Variants in ASB14 observed in about 807,000 individuals in gnomAD.
ASB14 encodes ankyrin repeat and SOCS box containing 14, also known as ankyrin repeat and SOCS box protein 14.
A neutral mutation model predicts 55.6 loss-of-function variants in ASB14; 63 were observed. That is an observed-to-expected ratio of 1.13 (90% CI 0.92 to 1.40). The LOEUF is 1.40. Ranked by LOEUF, ASB14 falls within the 40% of genes most tolerant of loss-of-function variation. ASB14 has a pLI of 0.00. For missense variants in ASB14, 724 were observed against 710.4 expected, an observed-to-expected ratio of 1.02 and a Z score of -0.22; for synonymous variants, 256 against 259.9, an observed-to-expected ratio of 0.98 and a Z score of 0.15.
chr3:57,284,062 AAAT>A lies in ASB14; in HGVS notation c.470-626_470-624del, dbSNP rs201095507. 7.7e-3 allele frequency among the ~76,000 whole-genome samples: 1,065 copies of A among 139,106 alleles called. 12 individuals are homozygous for A. The highest frequency in any genetic ancestry group is 0.026 in the African/African-American group (1,015 of 38,596). The allele number at this position is 139,106 out of a possible 152,430, so 91.3% of individuals were successfully genotyped here. A position where few individuals can be genotyped will look rare whatever the true frequency, so the allele number is the denominator to read the frequency against. On this transcript the variant is annotated intron_variant, in intron 5 of 10. Transcript: ENST00000487349. ...AAAGAAAATGATTTTGTAGTTAAAA[AAAT>A]AATAATAAAAGGCTTGGGAACACTG...
At chr3:57,282,859 G>A (rs1417460865) in intron 6 of ASB14, among the ~76,000 whole-genome samples, 1 of 152,178 alleles carries the variant, frequency 6.6e-6, no homozygotes, top group Non-Finnish European at 1.5e-5. Flanking sequence ...CAGAGGTAAT[G>A]TGCAGAGTAT....
chr3:57,288,297 G>A lies in ASB14; in HGVS notation c.179-11C>T, dbSNP rs1374855495. 2.0e-6 allele frequency: 3 copies of A among 1,536,680 alleles called. No homozygotes were observed. The South Asian group carries it at 3.6e-5, about 18-fold the overall frequency. ...ATGCATCTTCCTTACCTATTAACGA[G>A]TCAAATGAGAACAGATTCACATTTG... On this transcript the variant is annotated splice_polypyrimidine_tract_variant and intron_variant, in intron 3 of 10. Transcript: ENST00000487349.
intron 6 of ASB14, 104 bp from the exon 7 acceptor site, chr3:57,280,577 C>T (rs888819858): frequency 2.2e-5 from 20 of 929,560 alleles, no homozygotes; most frequent in Admixed American, 7.4e-5. Context: ...TTAGTGAGCA[C>T]GCACTCTAGC....
At chr3:57,277,660 A>T (rs2061000667) in intron 9 of ASB14, 107 bp downstream of exon 9, 1 of 1,007,692 alleles carries the variant, frequency 9.9e-7, no homozygotes, top group Non-Finnish European at 1.5e-6. Context: ...TTTCTGGTTT[A>T]AGTCAAGCTT....
intron 10 of ASB14, among the ~76,000 whole-genome samples, 152 bp downstream of exon 10, chr3:57,276,375 TC>T (rs1392345113): frequency 1.3e-5 from 2 of 151,936 alleles, no homozygotes; most frequent in Non-Finnish European, 2.9e-5. Flanking sequence ...AGCCTTGACC[TC>T]CCAAGGTGAA....
intron 3 of ASB14, 120 bp from the exon 4 acceptor site, chr3:57,288,406 T>G: frequency 1.8e-6 from 2 of 1,116,264 alleles, no homozygotes; most frequent in South Asian, 3.1e-5. Context: ...TAGCACCACC[T>G]TTTATGAAAG....
At chr3:57,287,869 C>A (rs1220231920) in intron 5 of ASB14, 32 bp downstream of exon 5, 1 of 1,533,570 alleles carries the variant, frequency 6.5e-7, no homozygotes, top group South Asian at 1.2e-5. Context: ...CTCAGTGCCA[C>A]AGACTCTTTC....
chr3:57,275,507 A>C (rs975414479), intron 10 of ASB14, among the ~76,000 whole-genome samples: 9 of 151,866 alleles, frequency 5.9e-5, no homozygotes, highest in African/African-American at 2.2e-4. Context: ...ATAATTTATG[A>C]GTTTTAAATT....
chr3:57,282,246 A>G (rs2061046193), intron 6 of ASB14, among the ~76,000 whole-genome samples: 1 of 152,244 alleles, frequency 6.6e-6, no homozygotes, highest in Admixed American at 6.5e-5. Context: ...TTGTTTTTAA[A>G]TATGAGTCTC....
At chr3:57,290,251 G>A (rs2061118308) in intron 2 of ASB14, among the ~76,000 whole-genome samples, 1 of 152,134 alleles carries the variant, frequency 6.6e-6, no homozygotes, top group African/African-American at 2.4e-5. Flanking sequence ...GGCTCTTGGG[G>A]AGACTCTATC....
intron 10 of ASB14, among the ~76,000 whole-genome samples, chr3:57,275,451 C>CAA (rs11323278): frequency 8.7e-6 from 1 of 114,476 alleles, no homozygotes; most frequent in Admixed American, 9.6e-5. Context: ...GACTCCATCT[C>CAA]AAAAAAAAAA....
intron 8 of ASB14, 76 bp downstream of exon 8, chr3:57,278,301 G>T: frequency 8.5e-7 from 1 of 1,175,780 alleles, no homozygotes; most frequent in Non-Finnish European, 1.2e-6. Context: ...GAGAGTGGAT[G>T]TAATCTATTT....
chr3:57,276,036 C>G (rs1343500009), intron 10 of ASB14, among the ~76,000 whole-genome samples: 2 of 152,056 alleles, frequency 1.3e-5, no homozygotes, highest in Non-Finnish European at 2.9e-5. Flanking sequence ...AACGTATCCT[C>G]TGAAGATAAG....
At chr3:57,289,687 C>CTTTTTTTTTTTTT (rs34419265) in intron 2 of ASB14, among the ~76,000 whole-genome samples, 1 of 100,336 alleles carries the variant, frequency 1.0e-5, no homozygotes, top group Non-Finnish European at 2.0e-5. Context: ...ACCTTCCATT[C>CTTTTTTTTTTTTT]TTTTTTTTTT....
intron 7 of ASB14, among the ~76,000 whole-genome samples, chr3:57,279,855 A>C (rs1321679014): frequency 6.6e-6 from 1 of 152,116 alleles, no homozygotes; most frequent in African/African-American, 2.4e-5. Context: ...AAGTTAGTTT[A>C]CTTAGGCCTC....
Position 57,278,868 on chromosome 3 carries a change from C to T in ASB14, c.940G>A (p.Gly314Arg). 1 of 1,613,792 alleles carries T rather than the reference C, an allele frequency of 6.2e-7. No homozygotes were observed. Among genetic ancestry groups the T allele is most frequent in the Non-Finnish European group, 8.5e-7 (1 of 1,179,976 alleles). ...GCTGCACAGTGAACTGGACTGATCC[C>T]ACTCTGCTTAATGGCAGCAAGATCC... ...VTDLAAIKQS[G>R]ISPVHCAAAG... Residue 314 changes from glycine to arginine, a missense_variant, in exon 8 of 11, where the codon GGG becomes AGG. Coordinates refer to ENST00000487349, the MANE Select transcript of ASB14 (RefSeq NM_001142733.3).
rs1180156555 is a variant in ASB14 at position 57,271,354 on chromosome 3, TA to T, written c.*23-1737del. 2 of 152,696 alleles carry T rather than the reference TA, an allele frequency of 1.3e-5. 1 individual carries two copies. Among genetic ancestry groups the T allele is most frequent in the East Asian group, 3.9e-4 (2 of 5,188 alleles). The allele number at this position is 152,696 out of a possible 1,614,324, so 9.5% of individuals were successfully genotyped here. On this transcript the variant is annotated intron_variant, in intron 10 of 10. Coordinates refer to ENST00000487349, the MANE Select transcript of ASB14 (RefSeq NM_001142733.3). ...TGCTTTATGTTACCAAAACATACAG[TA>T]AAAAAGTAGAAATTTATGAAATACT...
chr3:57,279,925 A>G (rs1406597256), intron 7 of ASB14, among the ~76,000 whole-genome samples: 1 of 151,708 alleles, frequency 6.6e-6, no homozygotes, highest in African/African-American at 2.4e-5. Context: ...TTGGGGGGGA[A>G]CCGTGTTAAT....
intron 10 of ASB14, chr3:57,273,512 A>ATGTT (rs1337118220): frequency 3.9e-5 from 6 of 152,744 alleles, no homozygotes; most frequent in Admixed American, 3.9e-4. Context: ...GTAATTTCAG[A>ATGTT]TGTTTGTAAA....
Sources: gnomAD v4.1 joint callset for allele counts (sites outside exome capture counted in the v4.1 genomes callset) on GRCh38, gnomAD v4.1.1 for gene constraint, MANE v1.5 for transcripts, NCBI Gene and HGNC (gene_info 2026-07-23, HGNC 2026-07-21) for gene names.